Variants in ALPK2 observed in about 807,000 individuals in gnomAD.
ALPK2 encodes alpha-protein kinase 2.
ALPK2 carries 127 observed loss-of-function variants against 163.1 expected under a neutral mutation model. The ratio of observed to expected loss-of-function variants is 0.78; its 90% CI spans 0.67 to 0.90. ALPK2 has a LOEUF of 0.90. ALPK2 is among the 40% of genes least tolerant of loss of function. The pLI, the probability that ALPK2 is intolerant of heterozygous loss-of-function variation, is 0.00. For missense variants in ALPK2, 2,360 were observed against 2,589.6 expected, an observed-to-expected ratio of 0.91 and a Z score of 1.92; for synonymous variants, 953 against 959.1, an observed-to-expected ratio of 0.99 and a Z score of 0.12.
intron 3 of ALPK2, among the ~76,000 whole-genome samples, chr18:58,585,686 T>A (rs2051982642): frequency 6.9e-6 from 1 of 144,896 alleles, no homozygotes; most frequent in Non-Finnish European, 1.5e-5. Flanking sequence ...GTTGCTTTTT[T>A]TTTTTTTTTT....
chr18:58,537,045 C>T lies in ALPK2; in HGVS notation c.3142G>A (p.Val1048Ile), dbSNP rs1346421560. The change falls in exon 5 of 13, where the codon GTT becomes ATT. Residue 1048 changes from valine (V) to isoleucine (I), a missense_variant. Physicochemically the swap from Val to Ile is conservative, Grantham distance 29 (BLOSUM62 3). Coordinates refer to ENST00000361673, the MANE Select transcript of ALPK2 (RefSeq NM_052947.4). ...TGCACTTGGGAAGGAAATTGGGAAA[C>T]CTTTTCATGGGATGCACGAGGGAAC... ...ERFPRASHEK[V>I]SQFPSQVQLD... The T allele has an allele frequency of 8.1e-6, 13 of 1,613,768 alleles. No homozygotes were observed. The highest frequency in any genetic ancestry group is 1.1e-5 in the Non-Finnish European group (13 of 1,179,786).
At chr18:58,622,697 C>A (rs1263381480) in intron 1 of ALPK2, among the ~76,000 whole-genome samples, 1 of 152,158 alleles carries the variant, frequency 6.6e-6, no homozygotes, top group Non-Finnish European at 1.5e-5. Context: ...ACTGCTCTGT[C>A]CAGTCTAGGA....
intron 1 of ALPK2, among the ~76,000 whole-genome samples, chr18:58,628,539 A>G (rs944456734): frequency 2.0e-5 from 3 of 152,228 alleles, no homozygotes; most frequent in African/African-American, 7.2e-5. Context: ...AAAAATAGCA[A>G]TAATTTTCAA....
Position 58,580,042 on chromosome 18 carries a change from C to A in ALPK2, c.734G>T (p.Gly245Val). The part of the protein sequence containing the change: ...VHSMASKFTD[G>V]DLNNDGPHDE... ...ATGAGGACCATCATTGTTCAGGTCA[C>A]CATCCGTGAACTTTGATGCCATGGA... Residue 245 changes from glycine (G) to valine (V), a missense_variant, in exon 4 of 13, where the codon GGT (glycine) becomes GTT (valine). Coordinates refer to ENST00000361673, the MANE Select transcript of ALPK2 (RefSeq NM_052947.4). 6.2e-7 allele frequency: 1 copy of A among 1,614,240 alleles called. No individual in the cohort carries two copies. Among genetic ancestry groups the A allele is most frequent in the East Asian group, 2.2e-5 (1 of 44,894 alleles).
chr18:58,559,116 A>G (rs566806643), intron 4 of ALPK2, among the ~76,000 whole-genome samples: 4 of 152,304 alleles, frequency 2.6e-5, no homozygotes, highest in South Asian at 4.2e-4. Flanking sequence ...TTCTTTCCCA[A>G]CTGTGATTAG....
chr18:58,540,457 T>A (rs141737959), intron 4 of ALPK2, among the ~76,000 whole-genome samples: 47 of 152,366 alleles, frequency 3.1e-4, no homozygotes, highest in African/African-American at 1.1e-3. Context: ...ATAAGGTATT[T>A]TTTTAAAAGA....
chr18:58,484,357 C>A (rs1243939406), intron 12 of ALPK2, among the ~76,000 whole-genome samples: 2 of 152,092 alleles, frequency 1.3e-5, no homozygotes, highest in Admixed American at 6.6e-5. Context: ...CTCATGTTGT[C>A]CAGTGAAGAA....
chr18:58,605,852 C>A (rs888909745), intron 3 of ALPK2, among the ~76,000 whole-genome samples: 1 of 152,206 alleles, frequency 6.6e-6, no homozygotes, highest in African/African-American at 2.4e-5. Flanking sequence ...ACTGATCATC[C>A]ATACCAGAGT....
Position 58,537,156 on chromosome 18 carries a change from C to G in ALPK2, c.3031G>C (p.Val1011Leu). 2.6e-6 allele frequency: 1 copy of G among 378,846 alleles called. No homozygotes were observed. Among genetic ancestry groups the G allele is most frequent in the Non-Finnish European group, 4.3e-6 (1 of 232,790 alleles). 23.5% of individuals were successfully genotyped at this position (378,846 alleles called of 1,614,324 possible). A position where few individuals can be genotyped will look rare whatever the true frequency, so the allele number is the denominator to read the frequency against. ...ATRETEDTST[V>L]TIATEVHPAK... ...GGGTGGACTTCGGTGGCAATGGTAA[C>G]AGTTGATGTGTCCTCAGTCTCCCTG... is the stretch of plus-strand genomic sequence containing the variant. Residue 1011 changes from valine (V) to leucine (L), a missense_variant, in exon 5 of 13, where the codon GTT becomes CTT. By Grantham distance (32) the Val-to-Leu change is conservative. Coordinates refer to ENST00000361673, the MANE Select transcript of ALPK2 (RefSeq NM_052947.4).
Position 58,535,853 on chromosome 18 carries a change from G to C in ALPK2, c.4334C>G (p.Ala1445Gly). ...TTGCAAAATGGCCGGCTGGATTTCC[G>C]CTTCGTGGCCCATGTTTCCGTCATT... ...QSNDGNMGHE[A>G]EIQPAILQVP... The change falls in exon 5 of 13, where the codon GCG (alanine) becomes GGG (glycine). Residue 1445 changes from alanine (A) to glycine (G), a missense_variant. Transcript: ENST00000361673. 6.2e-7 allele frequency: 1 copy of C among 1,614,124 alleles called. No individual in the cohort carries two copies. Among genetic ancestry groups the C allele is most frequent in the Non-Finnish European group, 8.5e-7 (1 of 1,180,004 alleles).
At chr18:58,583,248 T>G (rs1426617759) in intron 3 of ALPK2, among the ~76,000 whole-genome samples, 1 of 152,202 alleles carries the variant, frequency 6.6e-6, no homozygotes, top group Non-Finnish European at 1.5e-5. Context: ...CTACAGAGTC[T>G]GCTGTGAGTC....
intron 12 of ALPK2, among the ~76,000 whole-genome samples, chr18:58,494,728 G>C (rs76907735): frequency 0.017 from 2,584 of 152,206 alleles, 65 homozygotes; most frequent in African/African-American, 0.059. Context: ...AGAATCAAGA[G>C]AACTTGCTCG....
intron 5 of ALPK2, among the ~76,000 whole-genome samples, chr18:58,531,109 C>T (rs9319932): frequency 0.14 from 20,591 of 152,040 alleles, 1,670 homozygotes; most frequent in Middle Eastern, 0.23. Context: ...GTGGGAGGAT[C>T]GGTTGAGCAC....
rs2051659791 is a variant in ALPK2 at position 58,537,596 on chromosome 18, A to G, written c.2591T>C (p.Phe864Ser). ...SSNDKTLEVF[F>S]QTQVSETSVS... ...TGAAGTCTCAGACACTTGTGTCTGAAAAAAGACTTCCAGTGTCTTGTCATT... is the reference window on the plus strand; with the variant it reads ...TGAAGTCTCAGACACTTGTGTCTGAGAAAAGACTTCCAGTGTCTTGTCATT... Residue 864 changes from phenylalanine (F) to serine (S), a missense_variant, in exon 5 of 13, where the codon TTT becomes TCT. Coordinates refer to ENST00000361673, the MANE Select transcript of ALPK2 (RefSeq NM_052947.4). 1.5e-5 allele frequency: 24 copies of G among 1,613,706 alleles called. No individual in the cohort carries two copies. The highest frequency in any genetic ancestry group is 1.9e-5 in the Non-Finnish European group (23 of 1,179,754).
At chr18:58,600,129 C>T (rs12965286) in intron 3 of ALPK2, among the ~76,000 whole-genome samples, 4 of 149,228 alleles carry the variant, frequency 2.7e-5, no homozygotes, top group South Asian at 2.1e-4. Context: ...CTCCGCCTCC[C>T]GGGTTCAAGT....
In ALPK2 at chr18:58,517,137, A is replaced by G. The variant is rs1197414450; in HGVS notation, c.5711T>C (p.Phe1904Ser). 1 of 1,614,150 alleles carries G rather than the reference A, an allele frequency of 6.2e-7. No individual in the cohort carries two copies. The highest frequency in any genetic ancestry group is 8.5e-7 in the Non-Finnish European group (1 of 1,180,012). Residue 1904 changes from phenylalanine to serine, a missense_variant, in exon 9 of 13, where the codon TTC becomes TCC. Coordinates refer to ENST00000361673, the MANE Select transcript of ALPK2 (RefSeq NM_052947.4). ...EFSQLIFKED[F>S]LHDSYFGGRL... ...GCCCCCAAAGTAGCTGTCATGGAGG[A>G]AGTCTTCTTTGAAGATGAGTTGGCT...
At chr18:58,493,394 G>T (rs1452458263) in intron 12 of ALPK2, among the ~76,000 whole-genome samples, 1 of 152,028 alleles carries the variant, frequency 6.6e-6, no homozygotes, top group Non-Finnish European at 1.5e-5. Flanking sequence ...TGTTTCTTCG[G>T]ATTAGATTGT....
Position 58,516,933 on chromosome 18 carries a change from T to C in ALPK2, c.5915A>G (p.Gln1972Arg), listed in dbSNP as rs755678018. The change falls in exon 9 of 13, where the codon CAA (glutamine) becomes CGA (arginine). Residue 1972 changes from glutamine (Q) to arginine (R), a missense_variant. Physicochemically the swap from Gln to Arg is conservative, Grantham distance 43 (BLOSUM62 1). Coordinates refer to ENST00000361673, the MANE Select transcript of ALPK2 (RefSeq NM_052947.4). Reference protein sequence around the residue: ...YGTRNNDELIQRNYKLAAQEC... With the variant: ...YGTRNNDELIRRNYKLAAQEC... The stretch of plus-strand genomic sequence containing the variant: ...CTGGGCAGCGAGTTTGTAGTTCCTT[T>C]GGATGAGCTCATCATTATTTCTGGT... 5.0e-6 allele frequency: 8 copies of C among 1,614,026 alleles called. No homozygotes were observed. The highest frequency in any genetic ancestry group is 5.9e-6 in the Non-Finnish European group (7 of 1,179,860).
chr18:58,605,713 AGACCTC>A (rs965339045), intron 3 of ALPK2, among the ~76,000 whole-genome samples: 12 of 152,222 alleles, frequency 7.9e-5, no homozygotes, highest in Non-Finnish European at 1.3e-4. Flanking sequence ...GAGGAAGGGG[AGACCTC>A]GACAAGGTTG....
Sources: allele counts gnomAD v4.1 joint callset (sites outside exome capture counted in the v4.1 genomes callset), GRCh38; gene constraint gnomAD v4.1.1; transcripts MANE v1.5; gene names NCBI Gene and HGNC (gene_info 2026-07-23, HGNC 2026-07-21).